Variants in AFDN observed in about 807,000 individuals in gnomAD.
AFDN encodes afadin.
In AFDN, 68 loss-of-function variants were observed where a neutral mutation model predicts 216.6. That is an observed-to-expected ratio of 0.31 (90% CI 0.26 to 0.38). AFDN has a LOEUF of 0.38. AFDN is among the 10% of genes least tolerant of loss of function. AFDN has a pLI of 1.00. For missense variants in AFDN, 2,136 were observed against 2,342.0 expected (o/e 0.91, Z 1.82); for synonymous variants, 868 against 853.7 (o/e 1.02, Z -0.29).
chr6:167,902,182 G>A (rs1789061921), intron 11 of AFDN, 135 bp from the exon 12 acceptor site: 10 of 572,036 alleles, frequency 1.7e-5, no homozygotes, highest in Non-Finnish European at 2.8e-5. Context: ...CTGTAAGTTC[G>A]TGTGCTGAAA....
In AFDN at chr6:167,914,229, A is replaced by G. The variant is rs762817289; in HGVS notation, c.2120A>G (p.Asn707Ser). The change falls in exon 17 of 34, where the codon AAC (asparagine) becomes AGC (serine). Residue 707 changes from asparagine to serine, a missense_variant. Asn to Ser is a conservative substitution (Grantham distance 46, BLOSUM62 1). Around this residue, in one of 8 missense-constraint regions of AFDN, gnomAD observed 817 missense variants for 965.7 expected, o/e 0.85. Coordinates refer to ENST00000683244, the MANE Select transcript of AFDN (RefSeq NM_001386888.1). ...FWMANASELLNFIKQDRDLSR... is the reference protein window; with the variant it reads ...FWMANASELLSFIKQDRDLSR... ...ATGGCAAATGCATCTGAACTTCTCAACTTCATTAAGCAAGACCGAGACCTT... is the reference window on the plus strand; with the variant it reads ...ATGGCAAATGCATCTGAACTTCTCAGCTTCATTAAGCAAGACCGAGACCTT... 10 of 1,614,080 alleles carry G rather than the reference A, an allele frequency of 6.2e-6. No homozygotes were observed. The highest frequency in any genetic ancestry group is 2.7e-5 in the African/African-American group (2 of 74,930).
intron 1 of AFDN, among the ~76,000 whole-genome samples, chr6:167,833,087 C>T (rs1019223209): frequency 6.6e-6 from 1 of 152,128 alleles, no homozygotes; most frequent in Admixed American, 6.5e-5. Context: ...TTTATTAGTG[C>T]CTGACTGACC....
intron 11 of AFDN, among the ~76,000 whole-genome samples, chr6:167,898,906 G>T (rs891945885): frequency 1.3e-5 from 2 of 152,158 alleles, no homozygotes; most frequent in African/African-American, 2.4e-5. Context: ...GACTTGCATT[G>T]TGGGCTTAGT....
At chr6:167,862,929 C>T (rs1163059664) in intron 1 of AFDN, among the ~76,000 whole-genome samples, 3 of 152,180 alleles carry the variant, frequency 2.0e-5, no homozygotes, top group Non-Finnish European at 4.4e-5. Context: ...AACATACATG[C>T]TCATTTATTT....
At chr6:167,914,429 T>A in intron 17 of AFDN, 116 bp downstream of exon 17, 1 of 1,350,410 alleles carries the variant, frequency 7.4e-7, no homozygotes, top group Non-Finnish European at 1.0e-6. Flanking sequence ...AAGGTGAATA[T>A]AAAGAAGCAT....
intron 1 of AFDN, among the ~76,000 whole-genome samples, chr6:167,863,125 C>T (rs2128224398): frequency 6.6e-6 from 1 of 152,232 alleles, no homozygotes; most frequent in East Asian, 1.9e-4. Flanking sequence ...TGACATGCTC[C>T]AAAATCTGAA....
chr6:167,860,253 C>G (rs1783408410), intron 1 of AFDN, among the ~76,000 whole-genome samples: 2 of 146,996 alleles, frequency 1.4e-5, no homozygotes, highest in Admixed American at 1.4e-4. Context: ...TTAATTCTGC[C>G]CTTGAGACTT....
At chr6:167,926,947 C>T (rs1474090013) in intron 23 of AFDN, among the ~76,000 whole-genome samples, 3 of 151,834 alleles carry the variant, frequency 2.0e-5, no homozygotes, top group African/African-American at 4.8e-5. Flanking sequence ...TTTTTTTTAC[C>T]GAGTGGATAT....
intron 5 of AFDN, among the ~76,000 whole-genome samples, chr6:167,877,703 A>T (rs966414870): frequency 6.6e-6 from 1 of 152,170 alleles, no homozygotes; most frequent in Admixed American, 6.5e-5. Context: ...CTTACAGCCT[A>T]CTGCAGCTAT....
chr6:167,969,120 A>T lies in AFDN; in HGVS notation c.5264A>T (p.Asn1755Ile), dbSNP rs1260415761. The part of the protein sequence containing the change: ...EEEDCSLAGP[N>I]SYPGSTGAAV... ...TGTTTCTTTCATGGAAAAGGACCAA[A>T]CTCTTACCCAGGATCTACTGGAGCA... The change falls in exon 33 of 34, where the codon AAC (asparagine) becomes ATC (isoleucine). Residue 1755 changes from asparagine to isoleucine, a missense_variant. Asn to Ile is a moderately radical substitution (Grantham distance 149). Around this residue, in one of 8 missense-constraint regions of AFDN, gnomAD observed 981 missense variants for 966.0 expected, o/e 1.02. Coordinates refer to ENST00000683244, the MANE Select transcript of AFDN (RefSeq NM_001386888.1). The T allele has an allele frequency of 4.3e-6, 7 of 1,613,406 alleles. No individual in the cohort carries two copies. The highest frequency in any genetic ancestry group is 5.9e-6 in the Non-Finnish European group (7 of 1,179,344).
Position 167,962,973 on chromosome 6 carries a change from T to C in AFDN, c.4968+406T>C, listed in dbSNP as rs1797188284. ...AAGCAGTAGGAGCGTAGTAAGACAG[T>C]TGGCTGCCATTCAACATTTCAAATA... On this transcript the variant is annotated intron_variant, in intron 31 of 33. Transcript: ENST00000683244. This position sits in a 1 kb window ranked among gnomAD's most constrained non-coding sequence, Gnocchi z 5.2. 2 of 1,092,396 alleles carry C rather than the reference T, an allele frequency of 1.8e-6. No homozygotes were observed. Among genetic ancestry groups the C allele is most frequent in the African/African-American group, 1.6e-5 (1 of 62,836 alleles). 67.7% of individuals were successfully genotyped at this position (1,092,396 alleles called of 1,614,324 possible).
At chr6:167,965,433 G>A (rs904381819) in intron 31 of AFDN, among the ~76,000 whole-genome samples, 2 of 152,206 alleles carry the variant, frequency 1.3e-5, no homozygotes, top group Non-Finnish European at 2.9e-5. Flanking sequence ...TAACAGGAGC[G>A]TGGAGGAAGG....
chr6:167,922,887 A>G lies in AFDN; in HGVS notation c.2940A>G (p.Ser980=). Residue 980 remains serine (S), a synonymous_variant, in exon 22 of 34, where the codon TCA becomes TCG. Transcript: ENST00000683244. The stretch of plus-strand genomic sequence containing the variant: ...GCAGGTTAATTCCTCACACACGTTC[A>G]CCAGGTACTTGGACAATATATTTTG... ...GFCRLIPHTR[S]PGTWTIYFEG... is the part of the protein sequence containing the mutation. The G allele has an allele frequency of 6.2e-7, 1 of 1,613,192 alleles. No homozygotes were observed. Among genetic ancestry groups the G allele is most frequent in the Non-Finnish European group, 8.5e-7 (1 of 1,179,640 alleles).
At position 167,827,177 on chromosome 6, in the gene AFDN, C is replaced by T. The variant is rs1261549805; in HGVS notation, c.45C>T (p.Asp15=). The part of the protein sequence containing the change: ...GRDEERRKLA[D]IIHHWNANRL... ...ACGAGGAGCGGCGGAAGCTGGCCGA[C>T]ATCATCCACCACTGGAACGCCAACC... The change falls in exon 1 of 34, where the codon GAC becomes GAT. Residue 15 remains aspartate (D), a synonymous_variant. Transcript: ENST00000683244. The T allele has an allele frequency of 7.7e-7, 1 of 1,305,018 alleles. No homozygotes were observed. The highest frequency in any genetic ancestry group is 1.0e-6 in the Non-Finnish European group (1 of 997,666). The allele number at this position is 1,305,018 out of a possible 1,614,324, so 80.8% of individuals were successfully genotyped here. A position where few individuals can be genotyped will look rare whatever the true frequency, so the allele number is the denominator to read the frequency against.
At chr6:167,894,171 G>T (rs1040568504) in intron 9 of AFDN, among the ~76,000 whole-genome samples, 1 of 152,096 alleles carries the variant, frequency 6.6e-6, no homozygotes, top group African/African-American at 2.4e-5. Context: ...AGCAGCAGTG[G>T]CTGTGGAGGG....
chr6:167,898,297 C>T lies in AFDN; in HGVS notation c.1410C>T (p.Thr470=), dbSNP rs776043911. The change falls in exon 11 of 34, where the codon ACC becomes ACT. Residue 470 remains threonine (T), a synonymous_variant. Transcript: ENST00000683244. ...TVTPRSMDAE[T]YVEGQRISET... The stretch of plus-strand genomic sequence containing the variant: ...CGCCCAGAAGTATGGACGCAGAAAC[C>T]TACGTGGAAGGCCAGCGCATCTCAG... 16 of 1,613,958 alleles carry T rather than the reference C, an allele frequency of 9.9e-6. No homozygotes were observed. In the Admixed American group the frequency reaches 1.8e-4, roughly 18 times the overall value.
At chr6:167,969,715 C>A in intron 33 of AFDN, 67 bp from the exon 34 acceptor site, 1 of 1,463,712 alleles carries the variant, frequency 6.8e-7, no homozygotes, top group Non-Finnish European at 9.2e-7. Flanking sequence ...ATTTTGCAAA[C>A]GTGTGTAATT....
Position 167,971,635 on chromosome 6 carries a change from C to G in AFDN, c.*1700C>G. 1 of 193,806 alleles carries G rather than the reference C, an allele frequency of 5.2e-6. No homozygotes were observed. Among genetic ancestry groups the G allele is most frequent in the Non-Finnish European group, 1.1e-5 (1 of 93,174 alleles). The allele number at this position is 193,806 out of a possible 1,614,324, so 12.0% of individuals were successfully genotyped here. On this transcript the variant is annotated 3_prime_UTR_variant, in exon 34 of 34. Transcript: ENST00000683244. Reference sequence around the variant, plus strand: ...AATCCACACTTTCTTTAAAGAGATGCAGATGAATTACTTTTCTGTTAATAT... The same window carrying G: ...AATCCACACTTTCTTTAAAGAGATGGAGATGAATTACTTTTCTGTTAATAT...
At chr6:167,921,847 T>A (rs1791858634) in intron 21 of AFDN, among the ~76,000 whole-genome samples, 1 of 152,212 alleles carries the variant, frequency 6.6e-6, no homozygotes, top group Admixed American at 6.5e-5. Flanking sequence ...GTATACTTAT[T>A]TTAACTGAAT....
Sources: allele counts gnomAD v4.1 joint callset (sites outside exome capture counted in the v4.1 genomes callset), GRCh38; gene constraint gnomAD v4.1.1; regional missense constraint gnomAD v4.1.1; non-coding constraint Gnocchi (gnomAD v3.1); transcripts MANE v1.5; gene names NCBI Gene and HGNC (gene_info 2026-07-23, HGNC 2026-07-21).